The following RHOT1 variants were observed in gnomAD, a reference collection of about 807,000 sequenced individuals.
RHOT1 encodes the protein mitochondrial Rho GTPase 1.
A neutral mutation model predicts 95.3 loss-of-function variants in RHOT1; 27 were observed. That is an observed-to-expected ratio of 0.28 (90% CI 0.21 to 0.39). RHOT1 has a LOEUF of 0.39. Ranked by LOEUF, RHOT1 falls within the 10% of genes least tolerant of loss-of-function variation. The pLI, the probability that RHOT1 is intolerant of heterozygous loss-of-function variation, is 1.00. For synonymous variants in RHOT1, 227 were observed against 263.5 expected, an observed-to-expected ratio of 0.86 and a Z score of 1.34; for missense variants, 578 against 786.7, an observed-to-expected ratio of 0.73 and a Z score of 3.17.
chr17:32,192,785 C>T (rs768533689), intron 9 of RHOT1, among the ~76,000 whole-genome samples: 2 of 151,726 alleles, frequency 1.3e-5, no homozygotes, highest in Non-Finnish European at 2.9e-5. Flanking sequence ...GATTCTCCTG[C>T]CTCAGCCTCC....
intron 11 of RHOT1, 73 bp downstream of exon 11, chr17:32,194,180 C>A: frequency 6.6e-7 from 1 of 1,522,514 alleles, no homozygotes. Context: ...CTATGTTTCC[C>A]AGGCTGGTCT....
chr17:32,145,882 G>T (rs1237433744), intron 1 of RHOT1, among the ~76,000 whole-genome samples: 2 of 152,076 alleles, frequency 1.3e-5, no homozygotes, highest in Admixed American at 1.3e-4. Flanking sequence ...TGGGTGAAGT[G>T]GCGTGCACCT....
At position 32,173,720 on chromosome 17, in the gene RHOT1, AAAAG is replaced by A. The variant is rs565610636; in HGVS notation, c.97-107_97-104del. ...AGAGTGAGACTCCATTAAAAAAAAA[AAAAG>A]AAAAGAAACACTCAACCTGTGTAGA... On this transcript the variant is annotated intron_variant, in intron 2 of 19. Coordinates refer to ENST00000545287, the MANE Select transcript of RHOT1 (RefSeq NM_001033566.3). 9.2e-4 allele frequency: 715 copies of A among 775,468 alleles called. 4 individuals are homozygous for A. The South Asian group carries it at 0.012, about 13-fold the overall frequency. The allele number at this position is 775,468 out of a possible 1,614,324, so 48.0% of individuals were successfully genotyped here.
intron 1 of RHOT1, among the ~76,000 whole-genome samples, chr17:32,144,276 T>G (rs9905738): frequency 0.28 from 43,014 of 152,008 alleles, 8,059 homozygotes; most frequent in African/African-American, 0.54. Flanking sequence ...TTACAGGCAC[T>G]GTGGCTCATG....
intron 16 of RHOT1, among the ~76,000 whole-genome samples, chr17:32,205,380 T>C (rs1243078011): frequency 6.6e-6 from 1 of 152,162 alleles, no homozygotes. Flanking sequence ...ATACTTCTAT[T>C]TTTTTAAAAA....
intron 6 of RHOT1, chr17:32,179,108 CCG>C: frequency 9.2e-5 from 13 of 140,868 alleles, no homozygotes; most frequent in African/African-American, 3.6e-4. Context: ...CTTGGCTGCC[CCG>C]TCTGGGAAAT....
rs765701781 is a variant in RHOT1, at chr17:32,224,731, T to C, written c.1978T>C (p.Ter660ArgextTer18). The change falls in exon 20 of 20, where the codon TGA becomes CGA. Residue 660 changes from the stop codon to arginine (R), a stop_lost. Transcript: ENST00000545287. The part of the protein sequence containing the change: ...AMYKALLKQR[*>R] ...GTACAAAGCATTATTGAAACAGCGA[T>C]GATATAAAAAGAAATACTGTCCCTA... is the stretch of plus-strand genomic sequence containing the variant. The C allele has an allele frequency of 6.3e-7, 1 of 1,591,460 alleles. No homozygotes were observed. Among genetic ancestry groups the C allele is most frequent in the African/African-American group, 1.3e-5 (1 of 74,544 alleles).
chr17:32,215,702 A>G (rs73268544), intron 19 of RHOT1, among the ~76,000 whole-genome samples: 1,716 of 152,276 alleles, frequency 0.011, 34 homozygotes, highest in African/African-American at 0.039. Context: ...CTTATTTACT[A>G]ACACGATATA....
At chr17:32,146,477 G>T (rs1189020971) in intron 1 of RHOT1, among the ~76,000 whole-genome samples, 1 of 151,030 alleles carries the variant, frequency 6.6e-6, no homozygotes, top group African/African-American at 2.4e-5. Flanking sequence ...ATGGAGTCTC[G>T]CTTTGTCGCC....
At chr17:32,202,134 T>A (rs2037367262) in intron 14 of RHOT1, among the ~76,000 whole-genome samples, 2 of 152,138 alleles carry the variant, frequency 1.3e-5, no homozygotes, top group African/African-American at 4.8e-5. Flanking sequence ...ATGGTCTCAA[T>A]CTCTTGACCT....
In RHOT1 at chr17:32,149,635, ATGTG is replaced by A. The variant is rs1300585666; in HGVS notation, c.37+6930_37+6933del. On this transcript the variant is annotated intron_variant, in intron 1 of 19. Coordinates refer to ENST00000545287, the MANE Select transcript of RHOT1 (RefSeq NM_001033566.3). ...TATATATATATATATATATATATATATGTGTGTGTGTGTGTGTGTGTGTGTGTAT... is the reference window on the plus strand; with the variant it reads ...TATATATATATATATATATATATATATGTGTGTGTGTGTGTGTGTGTGTAT... Among the ~76,000 whole-genome samples the A allele has an allele frequency of 3.2e-3, 189 of 59,022 alleles. 1 individual carries two copies. Among genetic ancestry groups the A allele is most frequent in the Non-Finnish European group, 4.9e-3 (144 of 29,208 alleles). The allele number at this position is 59,022 out of a possible 152,430, so 38.7% of individuals were successfully genotyped here. A position where few individuals can be genotyped will look rare whatever the true frequency, so the allele number is the denominator to read the frequency against.
At chr17:32,189,698 T>TTTTA (rs1400215491) in intron 8 of RHOT1, among the ~76,000 whole-genome samples, 3 of 152,144 alleles carry the variant, frequency 2.0e-5, no homozygotes, top group Non-Finnish European at 4.4e-5. Flanking sequence ...TAACGGAATC[T>TTTTA]TTTATTTAGA....
intron 1 of RHOT1, among the ~76,000 whole-genome samples, chr17:32,149,625 A>ATGTGTGTGTGTG (rs1454201227): frequency 8.3e-4 from 73 of 88,246 alleles, no homozygotes; most frequent in African/African-American, 3.0e-3. Flanking sequence ...ATATATATAT[A>ATGTGTGTGTGTG]TATATATATA....
intron 1 of RHOT1, among the ~76,000 whole-genome samples, chr17:32,144,616 G>T (rs1455449352): frequency 6.6e-6 from 1 of 152,158 alleles, no homozygotes; most frequent in Non-Finnish European, 1.5e-5. Flanking sequence ...GGGAGGCTGA[G>T]GCAGGAGGAT....
At chr17:32,158,600 C>T (rs1357453918) in intron 1 of RHOT1, among the ~76,000 whole-genome samples, 4 of 152,066 alleles carry the variant, frequency 2.6e-5, no homozygotes, top group African/African-American at 7.2e-5. Flanking sequence ...GCTAGGACTA[C>T]AAGCACATGC....
At chr17:32,201,825 G>T (rs990288014) in intron 14 of RHOT1, among the ~76,000 whole-genome samples, 6 of 151,602 alleles carry the variant, frequency 4.0e-5, no homozygotes, top group South Asian at 2.1e-4. Context: ...ATCATTTTCG[G>T]TTTTTTTTCT....
chr17:32,152,825 A>G (rs75571210), intron 1 of RHOT1, among the ~76,000 whole-genome samples: 149 of 150,378 alleles, frequency 9.9e-4, no homozygotes, highest in African/African-American at 3.6e-3. Context: ...TCTTTTTGAG[A>G]CAGGGCCTCA....
intron 19 of RHOT1, among the ~76,000 whole-genome samples, chr17:32,219,761 A>G (rs1456776056): frequency 6.6e-6 from 1 of 152,200 alleles, no homozygotes; most frequent in African/African-American, 2.4e-5. Flanking sequence ...AACATCCCAG[A>G]CACAGGAATT....
chr17:32,153,853 G>T (rs576822754), intron 1 of RHOT1, among the ~76,000 whole-genome samples: 1 of 152,264 alleles, frequency 6.6e-6, no homozygotes, highest in East Asian at 1.9e-4. Flanking sequence ...AGGCCTTGCT[G>T]TTTTGAGTAC....
Sources: allele counts gnomAD v4.1 joint callset (sites outside exome capture counted in the v4.1 genomes callset), GRCh38; gene constraint gnomAD v4.1.1; transcripts MANE v1.5; gene names NCBI Gene and HGNC (gene_info 2026-07-23, HGNC 2026-07-21).